The following LEF1 variants were observed in gnomAD, a reference collection of about 807,000 sequenced individuals.
LEF1 encodes lymphoid enhancer binding factor 1.
LEF1 carries 14 observed loss-of-function variants against 51.2 expected under a neutral mutation model. That is an observed-to-expected ratio of 0.27 (90% confidence interval 0.18 to 0.43). LEF1 has a LOEUF of 0.43. Ranked by LOEUF, LEF1 falls within the 20% of genes least tolerant of loss-of-function variation. LEF1 has a pLI of 1.00. For synonymous variants in LEF1, 185 were observed against 183.2 expected, an observed-to-expected ratio of 1.01 and a Z score of -0.08; for missense variants, 386 against 512.0, an observed-to-expected ratio of 0.75 and a Z score of 2.37.
chr4:108,083,323 A>G (rs769726593), intron 5 of LEF1, 33 bp downstream of exon 5: 11 of 1,397,062 alleles, frequency 7.9e-6, no homozygotes, highest in Non-Finnish European at 1.1e-5. Flanking sequence ...ATGTGTTCAA[A>G]TGCCTGGCTG....
chr4:108,064,971 G>A (rs1737971865), intron 9 of LEF1, among the ~76,000 whole-genome samples: 1 of 152,070 alleles, frequency 6.6e-6, no homozygotes, highest in African/African-American at 2.4e-5. Flanking sequence ...ACAAAACCAA[G>A]GAGAAAGGGA....
At chr4:108,151,920 T>C (rs1744380177) in intron 3 of LEF1, among the ~76,000 whole-genome samples, 1 of 152,212 alleles carries the variant, frequency 6.6e-6, no homozygotes, top group African/African-American at 2.4e-5. Flanking sequence ...TCTGTTCTGT[T>C]TATTCCACAA....
intron 3 of LEF1, among the ~76,000 whole-genome samples, chr4:108,100,363 AG>A (rs1373368794): frequency 2.0e-5 from 3 of 152,226 alleles, no homozygotes; most frequent in African/African-American, 7.2e-5. Flanking sequence ...AATTATAAAA[AG>A]GAAATATTCT....
chr4:108,129,458 G>A (rs974257050), intron 3 of LEF1, among the ~76,000 whole-genome samples: 2 of 152,180 alleles, frequency 1.3e-5, no homozygotes, highest in Non-Finnish European at 1.5e-5. Flanking sequence ...AATTTTTCCT[G>A]TAATAGTTAG....
At chr4:108,160,810 A>G (rs1745012419) in intron 3 of LEF1, among the ~76,000 whole-genome samples, 1 of 152,234 alleles carries the variant, frequency 6.6e-6, no homozygotes, top group Admixed American at 6.5e-5. Flanking sequence ...ATTTCTCTGC[A>G]TGCCAGTTGG....
At position 108,165,165 on chromosome 4, in the gene LEF1, T is replaced by C; in HGVS notation, c.214-2A>G. The C allele has an allele frequency of 6.2e-7, 1 of 1,613,906 alleles. No individual in the cohort carries two copies. The highest frequency in any genetic ancestry group is 8.5e-7 in the Non-Finnish European group (1 of 1,179,814). On this transcript the variant is annotated splice_acceptor_variant, in intron 1 of 11. Coordinates refer to ENST00000265165, the MANE Select transcript of LEF1 (RefSeq NM_016269.5). LOFTEE classifies it high-confidence loss of function. ...AGAGGTTTGTGCTTGTCTGGCCACC[T>C]AACATCATGAATCCCCACACCCAAA...
At chr4:108,064,690 CACAAT>C (rs76505282) in intron 9 of LEF1, among the ~76,000 whole-genome samples, 2 of 14,896 alleles carry the variant, frequency 1.3e-4, no homozygotes, top group East Asian at 0.038. Flanking sequence ...CACACACACA[CACAAT>C]GATGTCTTAG....
chr4:108,060,246 T>C (rs1737581175), intron 11 of LEF1, among the ~76,000 whole-genome samples: 1 of 152,166 alleles, frequency 6.6e-6, no homozygotes, highest in Non-Finnish European at 1.5e-5. Context: ...AGAAGCTTTA[T>C]AGTTATACAG....
intron 11 of LEF1, among the ~76,000 whole-genome samples, chr4:108,056,541 C>T (rs891094741): frequency 3.9e-5 from 6 of 152,238 alleles, no homozygotes; most frequent in Non-Finnish European, 5.9e-5. Flanking sequence ...AGTCTAACCA[C>T]ACTGTCATTA....
intron 3 of LEF1, among the ~76,000 whole-genome samples, chr4:108,136,621 A>G (rs1743283405): frequency 6.6e-6 from 1 of 152,096 alleles, no homozygotes; most frequent in South Asian, 2.1e-4. Context: ...GCAGACCTAG[A>G]GTTACGATTC....
At chr4:108,061,259 C>A (rs1354195818) in intron 11 of LEF1, among the ~76,000 whole-genome samples, 1 of 151,892 alleles carries the variant, frequency 6.6e-6, no homozygotes, top group Non-Finnish European at 1.5e-5. Flanking sequence ...GTTTTTCTTG[C>A]GCAGGATAGA....
chr4:108,128,508 CT>C (rs543550613), intron 3 of LEF1, among the ~76,000 whole-genome samples: 7,900 of 143,224 alleles, frequency 0.055, 656 homozygotes, highest in African/African-American at 0.18. Context: ...TGAGGAAGGG[CT>C]TTTTTTTTTT....
At chr4:108,086,831 C>CACACACACACACACACACACAG (rs1354633869) in intron 4 of LEF1, among the ~76,000 whole-genome samples, 5 of 150,194 alleles carry the variant, frequency 3.3e-5, no homozygotes, top group Non-Finnish European at 7.4e-5. Flanking sequence ...CACACACTTA[C>CACACACACACACACACACACAG]ACACACACAC....
At chr4:108,075,750 A>T (rs1454985244) in intron 8 of LEF1, among the ~76,000 whole-genome samples, 2 of 152,190 alleles carry the variant, frequency 1.3e-5, no homozygotes, top group Non-Finnish European at 2.9e-5. Flanking sequence ...TAGAGTGTCT[A>T]TCCTAGTTGT....
chr4:108,163,803 A>C, intron 2 of LEF1, 102 bp from the exon 3 acceptor site: 4 of 1,214,224 alleles, frequency 3.3e-6, no homozygotes, highest in Non-Finnish European at 4.5e-6. Flanking sequence ...ATCAGACCCT[A>C]CATAAAAGAT....
chr4:108,051,313 C>G (rs907513347), intron 11 of LEF1, among the ~76,000 whole-genome samples: 8 of 152,010 alleles, frequency 5.3e-5, no homozygotes, highest in Non-Finnish European at 8.8e-5. Flanking sequence ...GGCAGTTTGT[C>G]CCTGGTGGCT....
chr4:108,141,016 A>G (rs1743613282), intron 3 of LEF1, among the ~76,000 whole-genome samples: 1 of 152,252 alleles, frequency 6.6e-6, no homozygotes, highest in Non-Finnish European at 1.5e-5. Context: ...TTCTTGAACC[A>G]GAAGATGTTT....
In LEF1 at chr4:108,168,691, G is replaced by A. The variant is rs1745567159; in HGVS notation, c.-924C>T. The A allele has an allele frequency of 6.6e-6, 1 of 152,212 alleles. No individual in the cohort carries two copies. The highest frequency in any genetic ancestry group is 6.5e-5 in the Admixed American group (1 of 15,284). 9.4% of individuals were successfully genotyped at this position (152,212 alleles called of 1,614,324 possible). ...CTCAGTCCGACCCCTCTTTGTTCCCGGCTCGAGTTTCTCAGCCTGGCTCGC... is the reference window on the plus strand; with the variant it reads ...CTCAGTCCGACCCCTCTTTGTTCCCAGCTCGAGTTTCTCAGCCTGGCTCGC... On this transcript the variant is annotated 5_prime_UTR_variant, in exon 1 of 12. Coordinates refer to ENST00000265165, the MANE Select transcript of LEF1 (RefSeq NM_016269.5). The surrounding 1 kb of genome is among the most constrained non-coding windows in gnomAD (Gnocchi z 4.6).
At chr4:108,149,449 A>T (rs572105681) in intron 3 of LEF1, among the ~76,000 whole-genome samples, 1 of 144,314 alleles carries the variant, frequency 6.9e-6, no homozygotes, top group South Asian at 2.2e-4. Context: ...ACAGAGCGAG[A>T]CTCCGTCTCA....
Sources: allele counts gnomAD v4.1 joint callset (sites outside exome capture counted in the v4.1 genomes callset), GRCh38; gene constraint gnomAD v4.1.1; non-coding constraint Gnocchi (gnomAD v3.1); transcripts MANE v1.5; gene names NCBI Gene and HGNC (gene_info 2026-07-23, HGNC 2026-07-21).